BLZF1: variants seen among roughly 807,000 people sequenced by gnomAD.
BLZF1 encodes golgin-45.
In BLZF1, 39 loss-of-function variants were observed where a neutral mutation model predicts 43.8. That is an observed-to-expected ratio of 0.89 (90% confidence interval 0.69 to 1.16). The LOEUF (loss-of-function observed/expected upper bound fraction) is 1.16. Among genes scored for constraint, BLZF1 ranks in the 50% most tolerant of loss-of-function variants. The pLI, the probability that BLZF1 is intolerant of heterozygous loss-of-function variation, is 0.00. For missense variants in BLZF1, 449 were observed against 469.8 expected, an observed-to-expected ratio of 0.96 and a Z score of 0.41; for synonymous variants, 136 against 159.4, an observed-to-expected ratio of 0.85 and a Z score of 1.11.
chr1:169,393,431 TAAA>T (rs1012787752), intron 7 of BLZF1, among the ~76,000 whole-genome samples: 1 of 148,998 alleles, frequency 6.7e-6, no homozygotes, highest in African/African-American at 2.5e-5. Context: ...CTACTAAAAA[TAAA>T]AAAAAATTAG....
chr1:169,378,597 C>A, intron 4 of BLZF1, 68 bp downstream of exon 4: 2 of 1,464,620 alleles, frequency 1.4e-6, no homozygotes, highest in East Asian at 2.3e-5. Context: ...ATCTATAACA[C>A]AAGAAAGTAG....
intron 6 of BLZF1, among the ~76,000 whole-genome samples, chr1:169,382,821 G>A (rs374002380): frequency 6.6e-6 from 1 of 152,188 alleles, no homozygotes; most frequent in African/African-American, 2.4e-5. Flanking sequence ...CCTGCCTGTC[G>A]CCATAACTCT....
At chr1:169,379,243 C>T (rs999675045) in intron 4 of BLZF1, among the ~76,000 whole-genome samples, 1 of 151,960 alleles carries the variant, frequency 6.6e-6, no homozygotes, top group African/African-American at 2.4e-5. Context: ...GGAGATTTCT[C>T]ATAAAACAAC....
At chr1:169,376,193 T>C (rs2102010492) in intron 2 of BLZF1, among the ~76,000 whole-genome samples, 1 of 152,212 alleles carries the variant, frequency 6.6e-6, no homozygotes, top group Admixed American at 6.6e-5. Flanking sequence ...GCATTTCATC[T>C]TATTACATTT....
chr1:169,373,137 C>T (rs1654181380), intron 2 of BLZF1, among the ~76,000 whole-genome samples: 1 of 152,096 alleles, frequency 6.6e-6, no homozygotes, highest in Admixed American at 6.6e-5. Flanking sequence ...CAGCTCCCAT[C>T]CTAGAATGTT....
intron 2 of BLZF1, among the ~76,000 whole-genome samples, chr1:169,375,703 C>T (rs564903306): frequency 9.9e-5 from 15 of 151,642 alleles, no homozygotes; most frequent in African/African-American, 3.4e-4. Flanking sequence ...CCCGTGACCA[C>T]TCAGAGTTCA....
At chr1:169,382,890 T>C (rs904637636) in intron 6 of BLZF1, among the ~76,000 whole-genome samples, 1 of 152,202 alleles carries the variant, frequency 6.6e-6, no homozygotes, top group Admixed American at 6.5e-5. Flanking sequence ...ATCTCAACTT[T>C]TTTTCTTTCC....
At chr1:169,382,024 C>A in intron 5 of BLZF1, 38 bp from the exon 6 acceptor site, 1 of 1,500,078 alleles carries the variant, frequency 6.7e-7, no homozygotes, top group Non-Finnish European at 9.1e-7. Context: ...ACATTTTGCT[C>A]TCTTACTATG....
chr1:169,374,551 T>A (rs1654234183), intron 2 of BLZF1, among the ~76,000 whole-genome samples: 1 of 152,190 alleles, frequency 6.6e-6, no homozygotes, highest in South Asian at 2.1e-4. Context: ...TAATGTAAAA[T>A]GTTTTGTAAA....
intron 6 of BLZF1, among the ~76,000 whole-genome samples, chr1:169,384,106 TCTC>T (rs1487733616): frequency 1.3e-5 from 2 of 151,900 alleles, no homozygotes; most frequent in African/African-American, 2.4e-5. Flanking sequence ...CCCCTAAAAA[TCTC>T]CTCCTTTTCC....
At chr1:169,391,841 T>TA (rs1654821662), downstream of BLZF1, among the ~76,000 whole-genome samples, 1 of 152,194 alleles carries the variant, frequency 6.6e-6, no homozygotes, top group Non-Finnish European at 1.5e-5. Context: ...TTTGGGGAGT[T>TA]CCTTCAGACC....
At chr1:169,389,669 A>G (rs1389983271), downstream of BLZF1, among the ~76,000 whole-genome samples, 1 of 152,264 alleles carries the variant, frequency 6.6e-6, no homozygotes, top group Non-Finnish European at 1.5e-5. Context: ...TCACAGCTGC[A>G]TTATTCACAA....
At chr1:169,388,711 A>G (rs935487416), downstream of BLZF1, among the ~76,000 whole-genome samples, 2 of 152,194 alleles carry the variant, frequency 1.3e-5, no homozygotes, top group Admixed American at 1.3e-4. Context: ...GGGGCTGGGC[A>G]TGGTGGCTCA....
chr1:169,387,268 A>G lies in BLZF1; in HGVS notation c.*86A>G. 1 of 1,206,712 alleles carries G rather than the reference A, an allele frequency of 8.3e-7. No individual in the cohort carries two copies. The highest frequency in any genetic ancestry group is 1.4e-5 in the South Asian group (1 of 72,392). 74.8% of individuals were successfully genotyped at this position (1,206,712 alleles called of 1,614,324 possible). On this transcript the variant is annotated 3_prime_UTR_variant, in exon 7 of 7. Transcript: ENST00000367808. ...TGGGAGCTGGGGTTCTTACAATGCT[A>G]GAAATAATATCACTTCCTATTTACA...
chr1:169,393,711 C>T (rs1654877564), intron 7 of BLZF1, among the ~76,000 whole-genome samples: 2 of 151,944 alleles, frequency 1.3e-5, no homozygotes, highest in Admixed American at 6.5e-5. Context: ...AAGCGATTCT[C>T]ATGCCTCAGC....
Position 169,376,896 on chromosome 1 carries a change from GT to G in BLZF1, c.386del (p.Val129AspfsTer29). ...TAAGGAACTCTCAGAGGTAAAGAAT[GT>G]ATTGGAAAAGCTCAAGAATTCTGAA... ...PNKELSEVKN[V>X]LEKLKNSERR... is the part of the protein sequence containing the mutation. On this transcript the variant is annotated frameshift_variant, in exon 3 of 7. Coordinates refer to ENST00000367808, the MANE Select transcript of BLZF1 (RefSeq NM_001320973.2). LOFTEE classifies it high-confidence loss of function. 1 of 1,613,270 alleles carries G rather than the reference GT, an allele frequency of 6.2e-7. No homozygotes were observed. Among genetic ancestry groups the G allele is most frequent in the South Asian group, 1.1e-5 (1 of 91,054 alleles).
At chr1:169,390,978 A>C (rs1174231161), downstream of BLZF1, among the ~76,000 whole-genome samples, 3 of 152,190 alleles carry the variant, frequency 2.0e-5, no homozygotes, top group African/African-American at 7.2e-5. Flanking sequence ...CCTAAAAATT[A>C]TATTTTCCTT....
intron 7 of BLZF1, chr1:169,395,076 G>T: frequency 1.9e-6 from 3 of 1,607,308 alleles, no homozygotes; most frequent in Non-Finnish European, 2.5e-6. Flanking sequence ...AAACGAAAAG[G>T]TTTGGCTTCT....
At chr1:169,370,641 A>G (rs148400713) in intron 2 of BLZF1, among the ~76,000 whole-genome samples, 1 of 152,336 alleles carries the variant, frequency 6.6e-6, no homozygotes, top group African/African-American at 2.4e-5. Context: ...GCGAGTAGCT[A>G]TTTCAATCAT....
Sources: gnomAD v4.1 joint callset for allele counts (sites outside exome capture counted in the v4.1 genomes callset) on GRCh38, gnomAD v4.1.1 for gene constraint, MANE v1.5 for transcripts, NCBI Gene and HGNC (gene_info 2026-07-23, HGNC 2026-07-21) for gene names.